Variants in GLCCI1 observed in about 807,000 individuals in gnomAD.
GLCCI1 encodes the protein glucocorticoid induced 1.
A neutral mutation model predicts 52.2 loss-of-function variants in GLCCI1; 24 were observed. The ratio of observed to expected loss-of-function variants is 0.46; its 90% confidence interval spans 0.33 to 0.65. The LOEUF (loss-of-function observed/expected upper bound fraction) is 0.65. GLCCI1 is among the 30% of genes least tolerant of loss of function. GLCCI1 has a pLI of 0.02. For synonymous variants in GLCCI1, 310 were observed against 276.5 expected (o/e 1.12, Z -1.20); for missense variants, 704 against 701.5 (o/e 1.00, Z -0.04).
rs879698088 is a variant in GLCCI1 at position 8,087,285 on chromosome 7, G to C, written c.*747G>C. 3 of 152,642 alleles carry C rather than the reference G, an allele frequency of 2.0e-5. No individual in the cohort carries two copies. Among genetic ancestry groups the C allele is most frequent in the Non-Finnish European group, 2.9e-5 (2 of 68,036 alleles). The allele number at this position is 152,642 out of a possible 1,614,324, so 9.5% of individuals were successfully genotyped here. Reference sequence around the variant, plus strand: ...AGAACCAGCAAAATCTGTGGTGTTTGACATCACTTTGTCATGTGGTTACAA... The same window carrying C: ...AGAACCAGCAAAATCTGTGGTGTTTCACATCACTTTGTCATGTGGTTACAA... On this transcript the variant is annotated 3_prime_UTR_variant, in exon 8 of 8. Transcript: ENST00000223145.
rs1320172102 is a variant in GLCCI1 at position 7,992,043 on chromosome 7, T to TTTTCCTTC, written c.458-11861_458-11860insCTTCTTTC. Among the ~76,000 whole-genome samples, 32 of 128,818 alleles carry TTTTCCTTC rather than the reference T, an allele frequency of 2.5e-4. No homozygotes were observed. The East Asian group carries it at 7.1e-3, about 29-fold the overall frequency. 84.5% of individuals were successfully genotyped at this position (128,818 alleles called of 152,430 possible). On this transcript the variant is annotated intron_variant, in intron 1 of 7. Transcript: ENST00000223145. ...CGTTGGAGGAATATTAGAATTTATT[T>TTTTCCTTC]TTTCTTTCTTTCTTTCTTTCTTTCT...
Position 8,071,227 on chromosome 7 carries a change from A to G in GLCCI1, c.1177+96A>G, listed in dbSNP as rs1198303350. 4.2e-6 allele frequency: 4 copies of G among 958,118 alleles called. No individual in the cohort carries two copies. The East Asian group carries it at 9.8e-5, about 23-fold the overall frequency. The allele number at this position is 958,118 out of a possible 1,614,324, so 59.4% of individuals were successfully genotyped here. ...ACATCTTTTTTTTTTTCTTTTGTTC[A>G]ATGGTGACATTGTCAAAGATTGGTT... On this transcript the variant is annotated intron_variant, in intron 6 of 7. Coordinates refer to ENST00000223145, the MANE Select transcript of GLCCI1 (RefSeq NM_138426.4).
rs1436763973 is a variant in GLCCI1 at position 8,088,288 on chromosome 7, T to C, written c.*1750T>C. 1 of 151,948 alleles carries C rather than the reference T, an allele frequency of 6.6e-6. No individual in the cohort carries two copies. The highest frequency in any genetic ancestry group is 1.5e-5 in the Non-Finnish European group (1 of 67,870). 9.4% of individuals were successfully genotyped at this position (151,948 alleles called of 1,614,324 possible). ...TGTGTGTGTATTCTGTGCATTATTTTGTCATGATCTCAATTCTCTTCTTTC... is the reference window on the plus strand; with the variant it reads ...TGTGTGTGTATTCTGTGCATTATTTCGTCATGATCTCAATTCTCTTCTTTC... On this transcript the variant is annotated 3_prime_UTR_variant, in exon 8 of 8. Transcript: ENST00000223145.
chr7:7,996,779 C>G (rs893945203), intron 1 of GLCCI1, among the ~76,000 whole-genome samples: 22 of 152,262 alleles, frequency 1.4e-4, no homozygotes, highest in Admixed American at 1.3e-3. Context: ...TGGTTTCTTT[C>G]CAGATTCTGC....
chr7:8,032,080 CCTAA>C (rs1434864416), intron 3 of GLCCI1, among the ~76,000 whole-genome samples: 1 of 151,972 alleles, frequency 6.6e-6, no homozygotes, highest in Non-Finnish European at 1.5e-5. Flanking sequence ...ATCAACTTGA[CCTAA>C]CTGACATGCA....
intron 6 of GLCCI1, among the ~76,000 whole-genome samples, chr7:8,074,698 T>C (rs1782837730): frequency 6.6e-6 from 1 of 152,176 alleles, no homozygotes; most frequent in Admixed American, 6.5e-5. Flanking sequence ...AAAAAGATAC[T>C]AATTCTTTCC....
chr7:7,979,151 C>T (rs1410928134), intron 1 of GLCCI1, among the ~76,000 whole-genome samples: 2 of 152,104 alleles, frequency 1.3e-5, no homozygotes, highest in African/African-American at 4.8e-5. Flanking sequence ...AGGATTTAGA[C>T]TGTGCTCAGA....
Position 8,071,051 on chromosome 7 carries a change from G to T in GLCCI1, c.1097G>T (p.Cys366Phe), listed in dbSNP as rs1237380449. ...RSSSCSSHSP[C>F]VSPFCPPESQ... is the part of the protein sequence containing the mutation. ...AGTAGCTGCAGCAGTCATTCACCCT[G>T]TGTCTCCCCTTTTTGTCCCCCGGAA... The change falls in exon 6 of 8, where the codon TGT becomes TTT. Residue 366 changes from cysteine to phenylalanine, a missense_variant. Transcript: ENST00000223145. The T allele has an allele frequency of 6.2e-7, 1 of 1,614,180 alleles. No homozygotes were observed. The highest frequency in any genetic ancestry group is 2.2e-5 in the East Asian group (1 of 44,886).
intron 4 of GLCCI1, among the ~76,000 whole-genome samples, chr7:8,057,333 T>C (rs1380195681): frequency 6.6e-6 from 1 of 151,892 alleles, no homozygotes; most frequent in African/African-American, 2.4e-5. Context: ...GATAAACACT[T>C]CATGTATCCA....
chr7:8,062,319 T>C (rs770688498), intron 5 of GLCCI1, among the ~76,000 whole-genome samples: 3 of 152,222 alleles, frequency 2.0e-5, no homozygotes, highest in Admixed American at 6.5e-5. Flanking sequence ...ACTATGTCAG[T>C]ATTCCAACAT....
intron 1 of GLCCI1, among the ~76,000 whole-genome samples, 184 bp from the exon 2 acceptor site, chr7:8,003,724 C>T (rs1353376605): frequency 6.6e-6 from 1 of 152,090 alleles, no homozygotes; most frequent in African/African-American, 2.4e-5. Flanking sequence ...TGAGATTTAA[C>T]ATGAATGTAT....
chr7:7,970,417 C>T (rs1410602350), intron 1 of GLCCI1: 1 of 149,670 alleles, frequency 6.7e-6, no homozygotes, highest in Non-Finnish European at 1.5e-5. Context: ...TCTCTCTCTC[C>T]CTCTCTTTCT....
At chr7:8,006,390 A>G (rs1781150083) in intron 2 of GLCCI1, among the ~76,000 whole-genome samples, 1 of 152,194 alleles carries the variant, frequency 6.6e-6, no homozygotes, top group Admixed American at 6.5e-5. Context: ...ATGTGGAGAT[A>G]GAAGGAAAGA....
intron 1 of GLCCI1, among the ~76,000 whole-genome samples, chr7:7,999,875 C>T (rs952832041): frequency 6.6e-6 from 1 of 152,102 alleles, no homozygotes; most frequent in Non-Finnish European, 1.5e-5. Flanking sequence ...TGTCCTCTAG[C>T]CCTGGGTGAC....
At chr7:8,013,218 T>C (rs567605694) in intron 2 of GLCCI1, among the ~76,000 whole-genome samples, 9 of 152,340 alleles carry the variant, frequency 5.9e-5, no homozygotes, top group African/African-American at 1.7e-4. Context: ...TTTCTTTTAA[T>C]AGTTTTATGT....
At chr7:7,996,560 A>G (rs1206544791) in intron 1 of GLCCI1, among the ~76,000 whole-genome samples, 1 of 152,160 alleles carries the variant, frequency 6.6e-6, no homozygotes, top group Non-Finnish European at 1.5e-5. Flanking sequence ...GTTTTCTTTG[A>G]AAATAGACTG....
chr7:8,037,422 C>G (rs7799954), intron 3 of GLCCI1, among the ~76,000 whole-genome samples: 4,302 of 152,224 alleles, frequency 0.028, 198 homozygotes, highest in African/African-American at 0.091. Context: ...GAAAGGTTGA[C>G]ACTCACCATC....
rs569359124 is a variant in GLCCI1 at position 8,086,569 on chromosome 7, C to G, written c.*31C>G. The G allele has an allele frequency of 3.3e-6, 5 of 1,510,810 alleles. No individual in the cohort carries two copies. Among genetic ancestry groups the G allele is most frequent in the South Asian group, 1.3e-5 (1 of 76,998 alleles). 93.6% of individuals were successfully genotyped at this position (1,510,810 alleles called of 1,614,324 possible). A position where few individuals can be genotyped will look rare whatever the true frequency, so the allele number is the denominator to read the frequency against. ...GGGGAGCTGGCCTCCACCCTATGTTCCATGGATTCGGAACAAGATTTCAGA... is the reference window on the plus strand; with the variant it reads ...GGGGAGCTGGCCTCCACCCTATGTTGCATGGATTCGGAACAAGATTTCAGA... On this transcript the variant is annotated 3_prime_UTR_variant, in exon 8 of 8. Coordinates refer to ENST00000223145, the MANE Select transcript of GLCCI1 (RefSeq NM_138426.4). This position sits in a 1 kb window ranked among gnomAD's most constrained non-coding sequence, Gnocchi z 4.4.
chr7:8,004,629 A>G (rs1295166799), intron 2 of GLCCI1, among the ~76,000 whole-genome samples: 4 of 152,212 alleles, frequency 2.6e-5, no homozygotes, highest in Non-Finnish European at 4.4e-5. Flanking sequence ...GTTCTTGACC[A>G]TATCTTCATA....
Sources: gnomAD v4.1 joint callset for allele counts (sites outside exome capture counted in the v4.1 genomes callset) on GRCh38, gnomAD v4.1.1 for gene constraint, Gnocchi (gnomAD v3.1) non-coding constraint, MANE v1.5 for transcripts, NCBI Gene and HGNC (gene_info 2026-07-23, HGNC 2026-07-21) for gene names.